The following ACACA variants were observed in gnomAD, a reference collection of about 807,000 sequenced individuals.
The protein encoded by ACACA is acetyl-CoA carboxylase 1.
A neutral mutation model predicts 296.1 loss-of-function variants in ACACA; 103 were observed. The ratio of observed to expected loss-of-function variants is 0.35; its 90% confidence interval spans 0.30 to 0.41. The LOEUF (loss-of-function observed/expected upper bound fraction) is 0.41, where lower values mean the gene tolerates loss of function less well. Among genes scored for constraint, ACACA ranks in the 10% least tolerant of loss-of-function variants. The pLI, the probability that ACACA is intolerant of heterozygous loss-of-function variation, is 1.00. For missense variants in ACACA, 1,554 were observed against 2,989.7 expected (o/e 0.52, Z 11.20); for synonymous variants, 953 against 1,038.6 (o/e 0.92, Z 1.58).
intron 1 of ACACA, among the ~76,000 whole-genome samples, chr17:37,341,829 A>G (rs1324927878): frequency 6.6e-6 from 1 of 152,160 alleles, no homozygotes; most frequent in African/African-American, 2.4e-5. Flanking sequence ...ACTGTTGGAA[A>G]TTTGATGAAA....
chr17:37,329,264 T>C (rs963003766), intron 3 of ACACA, among the ~76,000 whole-genome samples: 2 of 152,208 alleles, frequency 1.3e-5, no homozygotes, highest in Non-Finnish European at 2.9e-5. Flanking sequence ...TCAAGATAGT[T>C]AGAACAATGT....
Position 37,087,214 on chromosome 17 carries a change from T to C in ACACA, c.*102A>G. 6.5e-7 allele frequency: 1 copy of C among 1,528,256 alleles called. No individual in the cohort carries two copies. The highest frequency in any genetic ancestry group is 1.1e-5 in the South Asian group (1 of 88,296). 94.7% of individuals were successfully genotyped at this position (1,528,256 alleles called of 1,614,324 possible). On this transcript the variant is annotated 3_prime_UTR_variant, in exon 56 of 56. Transcript: ENST00000616317. ...GAAGTAAAATGCCATTTGACTCCAGTGCTGGGTCTCCTGTGCCTTCTCATT... is the reference window on the plus strand; with the variant it reads ...GAAGTAAAATGCCATTTGACTCCAGCGCTGGGTCTCCTGTGCCTTCTCATT...
At chr17:37,341,558 T>C (rs1249705132) in intron 1 of ACACA, among the ~76,000 whole-genome samples, 4 of 151,608 alleles carry the variant, frequency 2.6e-5, no homozygotes, top group Non-Finnish European at 5.9e-5. Flanking sequence ...GGTGTGGTGG[T>C]GTGTGCCTGT....
intron 52 of ACACA, 29 bp from the exon 53 acceptor site, chr17:37,098,013 C>T (rs1237239801): frequency 6.2e-7 from 1 of 1,614,090 alleles, no homozygotes; most frequent in Admixed American, 1.7e-5. Flanking sequence ...GCCCGTCACA[C>T]TCTGTAATGA....
chr17:37,157,599 G>A (rs983246985), intron 42 of ACACA, among the ~76,000 whole-genome samples: 2 of 142,188 alleles, frequency 1.4e-5, no homozygotes, highest in Non-Finnish European at 3.0e-5. Context: ...GCAGTGGTGC[G>A]ATCTTGACTC....
chr17:37,251,570 C>CTTGA (rs2080997804), intron 16 of ACACA, among the ~76,000 whole-genome samples: 1 of 152,172 alleles, frequency 6.6e-6, no homozygotes, highest in Non-Finnish European at 1.5e-5. Flanking sequence ...AGATGTCTGA[C>CTTGA]CCTCTACTTG....
chr17:37,245,237 C>T (rs1212371750), intron 19 of ACACA, 23 bp from the exon 20 acceptor site: 3 of 1,611,996 alleles, frequency 1.9e-6, no homozygotes, highest in Admixed American at 1.7e-5. Context: ...ATAAACTAGA[C>T]TCAGATTTAT....
chr17:37,376,236 G>A, intron 1 of ACACA: 1 of 1,125,436 alleles, frequency 8.9e-7, no homozygotes, highest in Non-Finnish European at 1.3e-6. Context: ...AGATAGAGAT[G>A]TAGCTGATAT....
chr17:37,209,415 T>C (rs1289256469), intron 30 of ACACA, among the ~76,000 whole-genome samples: 1 of 152,216 alleles, frequency 6.6e-6, no homozygotes, highest in Non-Finnish European at 1.5e-5. Flanking sequence ...TAACAAACTA[T>C]GTTTGTGGCA....
intron 3 of ACACA, among the ~76,000 whole-genome samples, chr17:37,293,914 C>T (rs925727467): frequency 3.9e-5 from 6 of 152,142 alleles, no homozygotes; most frequent in African/African-American, 1.4e-4. Flanking sequence ...TCATGTTTAA[C>T]GGTTTATTTA....
chr17:37,166,934 A>T (rs1367686968), intron 41 of ACACA, among the ~76,000 whole-genome samples: 1 of 151,926 alleles, frequency 6.6e-6, no homozygotes, highest in East Asian at 1.9e-4. Flanking sequence ...CCTTATAGCT[A>T]ATGTGAATTG....
chr17:37,092,380 G>A (rs1025764989), intron 54 of ACACA, among the ~76,000 whole-genome samples: 7 of 151,914 alleles, frequency 4.6e-5, no homozygotes, highest in African/African-American at 1.5e-4. Context: ...GCCTGGGCCC[G>A]TATGCCACCT....
At position 37,179,420 on chromosome 17, in the gene ACACA, G is replaced by C. The variant is rs1167438878; in HGVS notation, c.4933-14C>G. The C allele has an allele frequency of 1.9e-5, 30 of 1,613,770 alleles. No homozygotes were observed. The highest frequency in any genetic ancestry group is 2.5e-5 in the Non-Finnish European group (29 of 1,179,818). ...TTTGATCAGGGACTAGTGGAGAAAA[G>C]AAGTTTGACTAATCAGTCACAATAA... On this transcript the variant is annotated splice_polypyrimidine_tract_variant and intron_variant, in intron 40 of 55. Coordinates refer to ENST00000616317, the MANE Select transcript of ACACA (RefSeq NM_198834.3).
chr17:37,250,335 C>T (rs2080923346), intron 16 of ACACA, among the ~76,000 whole-genome samples: 1 of 152,172 alleles, frequency 6.6e-6, no homozygotes, highest in Non-Finnish European at 1.5e-5. Flanking sequence ...AATGTGTTAA[C>T]TGTTCTTAAA....
Position 37,125,800 on chromosome 17 carries a change from G to A in ACACA, c.5945-6C>T. ...CAACCACTGACCTTTTTGGGCTACA[G>A]AAGGGAAAGAAAGAAAACAGAGAAT... On this transcript the variant is annotated splice_region_variant and splice_polypyrimidine_tract_variant and intron_variant, in intron 47 of 55. Transcript: ENST00000616317. 1 of 1,608,294 alleles carries A rather than the reference G, an allele frequency of 6.2e-7. No homozygotes were observed. The highest frequency in any genetic ancestry group is 8.5e-7 in the Non-Finnish European group (1 of 1,175,106).
At chr17:37,159,736 G>T (rs2076390377) in intron 42 of ACACA, among the ~76,000 whole-genome samples, 1 of 152,130 alleles carries the variant, frequency 6.6e-6, no homozygotes, top group African/African-American at 2.4e-5. Context: ...TATGACAAAT[G>T]TATGTACTTA....
At chr17:37,133,817 C>T (rs910194474) in intron 45 of ACACA, among the ~76,000 whole-genome samples, 11 of 152,190 alleles carry the variant, frequency 7.2e-5, no homozygotes, top group Non-Finnish European at 1.3e-4. Flanking sequence ...AGAGGTGATT[C>T]TCCTGAGGCC....
chr17:37,194,880 T>C (rs1436818116), intron 35 of ACACA, among the ~76,000 whole-genome samples: 1 of 152,120 alleles, frequency 6.6e-6, no homozygotes, highest in Non-Finnish European at 1.5e-5. Flanking sequence ...TTAAAGTGGA[T>C]TTTACACAGG....
rs555314874 is a variant in ACACA at position 37,227,676 on chromosome 17, C to T, written c.3247-1224G>A. Among the ~76,000 whole-genome samples the T allele has an allele frequency of 1.8e-3, 273 of 152,178 alleles. 1 individual carries two copies. Among genetic ancestry groups the T allele is most frequent in the Non-Finnish European group, 1.6e-3 (112 of 67,980 alleles). On this transcript the variant is annotated intron_variant, in intron 25 of 55. Transcript: ENST00000616317. ...GAGGTCGAGACCATCCTGGCTAACA[C>T]GGTGAAACCCCGTCTCTACTAAAAA...
Sources: gnomAD v4.1 joint callset for allele counts (sites outside exome capture counted in the v4.1 genomes callset) on GRCh38, gnomAD v4.1.1 for gene constraint, MANE v1.5 for transcripts, NCBI Gene and HGNC (gene_info 2026-07-23, HGNC 2026-07-21) for gene names.